INMT: variants seen among roughly 807,000 people sequenced by gnomAD.
INMT encodes indolethylamine N-methyltransferase.
INMT carries 11 observed loss-of-function variants against 11.5 expected under a neutral mutation model. The ratio of observed to expected loss-of-function variants is 0.95; its 90% CI spans 0.60 to 1.58. The LOEUF (loss-of-function observed/expected upper bound fraction) is 1.58. Ranked by LOEUF, INMT falls within the 40% of genes most tolerant of loss-of-function variation. INMT has a pLI of 0.00. For synonymous variants in INMT, 155 were observed against 142.9 expected, an observed-to-expected ratio of 1.08 and a Z score of -0.60; for missense variants, 316 against 336.1, an observed-to-expected ratio of 0.94 and a Z score of 0.47.
In INMT at chr7:30,756,118, T is replaced by C. The variant is rs1299139234; in HGVS notation, c.*267T>C. ...AGATGCGATCTGACTCCTGTGTGAC[T>C]GTGGAGCACCCAGGGACGTGGTTTT... On this transcript the variant is annotated 3_prime_UTR_variant, in exon 3 of 3. Transcript: ENST00000013222. The C allele has an allele frequency of 8.0e-7, 1 of 1,253,896 alleles. No individual in the cohort carries two copies. Among genetic ancestry groups the C allele is most frequent in the African/African-American group, 1.5e-5 (1 of 66,954 alleles). The allele number at this position is 1,253,896 out of a possible 1,614,324, so 77.7% of individuals were successfully genotyped here.
At chr7:30,753,511 G>A (rs1242904992) in intron 1 of INMT, among the ~76,000 whole-genome samples, 1 of 152,224 alleles carries the variant, frequency 6.6e-6, no homozygotes, top group Non-Finnish European at 1.5e-5. Flanking sequence ...AATGAAAATA[G>A]TGATAGCAGT....
rs147764304 is a variant in INMT at position 30,754,311 on chromosome 7, TCATCCATCCATC to T, written c.362+389_362+400del. ...TCCGTCCACCCACCGGTTCATCCAT[TCATCCATCCATC>T]CATCCATCCATCCATATTCATGCAT... is the stretch of plus-strand genomic sequence containing the variant. On this transcript the variant is annotated intron_variant, in intron 2 of 2. Transcript: ENST00000013222. This position sits in a 1 kb window ranked among gnomAD's most constrained non-coding sequence, Gnocchi z 4.9. Among the ~76,000 whole-genome samples, 1 of 151,368 alleles carries T rather than the reference TCATCCATCCATC, an allele frequency of 6.6e-6. No homozygotes were observed. The highest frequency in any genetic ancestry group is 6.6e-5 in the Admixed American group (1 of 15,192).
At position 30,757,448 on chromosome 7, in the gene INMT, G is replaced by A. The variant is rs1164462371; in HGVS notation, c.*1597G>A. 1 of 196,836 alleles carries A rather than the reference G, an allele frequency of 5.1e-6. No individual in the cohort carries two copies. The highest frequency in any genetic ancestry group is 1.0e-5 in the Non-Finnish European group (1 of 96,750). The allele number at this position is 196,836 out of a possible 1,614,324, so 12.2% of individuals were successfully genotyped here. The stretch of plus-strand genomic sequence containing the variant: ...TTGCTCACGCCCAGAGAGAGAAAAA[G>A]TTAAGCTGCTGACCCTGAAGGCAAG... On this transcript the variant is annotated 3_prime_UTR_variant, in exon 3 of 3. Transcript: ENST00000013222.
Position 30,755,943 on chromosome 7 carries a change from TC to T in INMT, c.*93del. 6.8e-7 allele frequency: 1 copy of T among 1,477,038 alleles called. No individual in the cohort carries two copies. Among genetic ancestry groups the T allele is most frequent in the South Asian group, 1.4e-5 (1 of 69,280 alleles). 91.5% of individuals were successfully genotyped at this position (1,477,038 alleles called of 1,614,324 possible). ...GTGAGGAATGGATACTGTCTAACAGTCTCTGATTTCAACACTAACATTCCAT... is the reference window on the plus strand; with the variant it reads ...GTGAGGAATGGATACTGTCTAACAGTTCTGATTTCAACACTAACATTCCAT... On this transcript the variant is annotated 3_prime_UTR_variant, in exon 3 of 3. Transcript: ENST00000013222.
rs901871584 is a variant in INMT, at chr7:30,754,889, T to A, written c.363-533T>A. Reference sequence around the variant, plus strand: ...CCTCGGGTAATCACTAATATGGATTTTATGCTTATCATTCCCTTTTTCAAA... The same window carrying A: ...CCTCGGGTAATCACTAATATGGATTATATGCTTATCATTCCCTTTTTCAAA... On this transcript the variant is annotated intron_variant, in intron 2 of 2. Coordinates refer to ENST00000013222, the MANE Select transcript of INMT (RefSeq NM_006774.5). This position sits in a 1 kb window ranked among gnomAD's most constrained non-coding sequence, Gnocchi z 4.9. Among the ~76,000 whole-genome samples the A allele has an allele frequency of 6.6e-6, 1 of 152,250 alleles. No homozygotes were observed. Among genetic ancestry groups the A allele is most frequent in the Non-Finnish European group, 1.5e-5 (1 of 68,038 alleles).
At chr7:30,753,060 C>T (rs1173739225) in intron 1 of INMT, among the ~76,000 whole-genome samples, 1 of 152,162 alleles carries the variant, frequency 6.6e-6, no homozygotes, top group Non-Finnish European at 1.5e-5. Context: ...CAGAGAACAG[C>T]CGGACTGGGT....
chr7:30,753,585 G>T (rs931222196), intron 1 of INMT, 146 bp from the exon 2 acceptor site: 4 of 720,574 alleles, frequency 5.6e-6, no homozygotes, highest in Admixed American at 4.4e-5. Context: ...TTGGCATGAG[G>T]CTTGGCTTAC....
chr7:30,757,508 C>T lies in INMT; in HGVS notation c.*1657C>T, dbSNP rs974652165. ...GCTGCACAGCTGTGTGTGGAAGCCA[C>T]GGGCTCAAGCAGCCAAGGCAGGGCG... On this transcript the variant is annotated 3_prime_UTR_variant, in exon 3 of 3. Transcript: ENST00000013222. 19 of 158,276 alleles carry T rather than the reference C, an allele frequency of 1.2e-4. No homozygotes were observed. The highest frequency in any genetic ancestry group is 4.6e-4 in the South Asian group (3 of 6,526). 9.8% of individuals were successfully genotyped at this position (158,276 alleles called of 1,614,324 possible).
Position 30,755,672 on chromosome 7 carries a change from A to G in INMT, c.613A>G (p.Met205Val), listed in dbSNP as rs2302339. 500,494 of 1,613,966 alleles carry G rather than the reference A, an allele frequency of 0.31. 80,153 individuals are homozygous for G. The highest frequency in any genetic ancestry group is 0.35 in the South Asian group (31,744 of 91,076). Residue 205 changes from methionine (M) to valine (V), a missense_variant, in exon 3 of 3, where the codon ATG (methionine) becomes GTG (valine). By Grantham distance (21) the Met-to-Val change is conservative. Transcript: ENST00000013222. ...TTVTLRLPSY[M>V]VGKREFSCVA... ...TGTCACGCTTCGGCTCCCGTCCTACATGGTGGGGAAGCGTGAATTTTCCTG... is the reference window on the plus strand; with the variant it reads ...TGTCACGCTTCGGCTCCCGTCCTACGTGGTGGGGAAGCGTGAATTTTCCTG...
At chr7:30,755,279 A>G in intron 2 of INMT, 143 bp from the exon 3 acceptor site, 1 of 687,460 alleles carries the variant, frequency 1.5e-6, no homozygotes, top group African/African-American at 1.8e-5. Flanking sequence ...ATTGAAGAAG[A>G]GCCTGCTGTC....
rs1316138908 is a variant in INMT, at chr7:30,755,419, C to T, written c.363-3C>T. On this transcript the variant is annotated splice_region_variant and splice_polypyrimidine_tract_variant and intron_variant, in intron 2 of 2. Coordinates refer to ENST00000013222, the MANE Select transcript of INMT (RefSeq NM_006774.5). ...CTCCCCGACTCCCTCTCTCTCTCTGCAGCGGCCGATGGGAGGAGAAGGAGG... is the reference window on the plus strand; with the variant it reads ...CTCCCCGACTCCCTCTCTCTCTCTGTAGCGGCCGATGGGAGGAGAAGGAGG... 1 of 1,583,372 alleles carries T rather than the reference C, an allele frequency of 6.3e-7. No homozygotes were observed. Among genetic ancestry groups the T allele is most frequent in the Non-Finnish European group, 8.5e-7 (1 of 1,172,086 alleles).
intron 1 of INMT, among the ~76,000 whole-genome samples, chr7:30,752,846 C>T (rs569385353): frequency 6.6e-6 from 1 of 152,308 alleles, no homozygotes; most frequent in East Asian, 1.9e-4. Flanking sequence ...TGGATGGTGA[C>T]TTCTGCCTGT....
In INMT at chr7:30,755,461, G is replaced by A. The variant is rs200475336; in HGVS notation, c.402G>A (p.Ala134=). 259 of 1,600,086 alleles carry A rather than the reference G, an allele frequency of 1.6e-4. No individual in the cohort carries two copies. The highest frequency in any genetic ancestry group is 1.7e-4 in the Middle Eastern group (1 of 6,056). Reference sequence around the variant, plus strand: ...AGAAGGAGGAGAAGCTGCGGGCAGCGGTGAAGCGGGTGCTCAAGTGCGATG... The same window carrying A: ...AGAAGGAGGAGAAGCTGCGGGCAGCAGTGAAGCGGGTGCTCAAGTGCGATG... ...WEEKEEKLRA[A]VKRVLKCDVH... Residue 134 remains alanine (A), a synonymous_variant, in exon 3 of 3, where the codon GCG becomes GCA. Coordinates refer to ENST00000013222, the MANE Select transcript of INMT (RefSeq NM_006774.5).
chr7:30,753,242 C>T (rs1264079109), intron 1 of INMT, among the ~76,000 whole-genome samples: 1 of 152,198 alleles, frequency 6.6e-6, no homozygotes, highest in Non-Finnish European at 1.5e-5. Context: ...TCACCCCTCC[C>T]TCCTCCAAGG....
Position 30,755,582 on chromosome 7 carries a change from G to A in INMT, c.523G>A (p.Ala175Thr), listed in dbSNP as rs1339959940. 9 of 1,613,882 alleles carry A rather than the reference G, an allele frequency of 5.6e-6. No individual in the cohort carries two copies. The highest frequency in any genetic ancestry group is 1.3e-5 in the African/African-American group (1 of 74,924). Reference protein sequence around the residue: ...AMECACCSLDAYRAALCNLAS... With the variant: ...AMECACCSLDTYRAALCNLAS... ...GGAGTGTGCCTGCTGTAGCCTTGAT[G>A]CCTACCGCGCTGCCCTGTGCAACCT... The change falls in exon 3 of 3, where the codon GCC (alanine) becomes ACC (threonine). Residue 175 changes from alanine (A) to threonine (T), a missense_variant. Physicochemically the swap from Ala to Thr is moderately conservative, Grantham distance 58 (BLOSUM62 0). Coordinates refer to ENST00000013222, the MANE Select transcript of INMT (RefSeq NM_006774.5).
chr7:30,754,881 T>C lies in INMT; in HGVS notation c.363-541T>C, dbSNP rs1786192736. Among the ~76,000 whole-genome samples the C allele has an allele frequency of 1.3e-5, 2 of 152,238 alleles. No individual in the cohort carries two copies. The highest frequency in any genetic ancestry group is 4.1e-4 in the South Asian group (2 of 4,834). On this transcript the variant is annotated intron_variant, in intron 2 of 2. Transcript: ENST00000013222. This position sits in a 1 kb window ranked among gnomAD's most constrained non-coding sequence, Gnocchi z 4.9. ...TTTCCCAACCTCGGGTAATCACTAA[T>C]ATGGATTTTATGCTTATCATTCCCT...
At chr7:30,752,489 CA>C (rs1370933685) in intron 1 of INMT, among the ~76,000 whole-genome samples, 185 bp downstream of exon 1, 16 of 152,116 alleles carry the variant, frequency 1.1e-4, no homozygotes, top group African/African-American at 3.9e-4. Context: ...TCTGTCTCCC[CA>C]TGGCTCAGGA....
intron 2 of INMT, among the ~76,000 whole-genome samples, 171 bp from the exon 3 acceptor site, chr7:30,755,251 G>A (rs540138909): frequency 6.6e-6 from 1 of 152,070 alleles, no homozygotes; most frequent in Non-Finnish European, 1.5e-5. Context: ...TTTTTCTTTG[G>A]GAGAAACTGA....
chr7:30,753,735 C>T lies in INMT; in HGVS notation c.159C>T (p.Gly53=), dbSNP rs1786150309. The change falls in exon 2 of 3, where the codon GGC becomes GGT. Residue 53 remains glycine (G), a synonymous_variant. Transcript: ENST00000013222. ...ECLHKTFGPG[G]LQGDTLIDIG... Reference sequence around the variant, plus strand: ...ACCAGTCTTTCCCTCCCACAGGAGGCCTCCAAGGGGACACGCTGATTGACA... The same window carrying T: ...ACCAGTCTTTCCCTCCCACAGGAGGTCTCCAAGGGGACACGCTGATTGACA... 1.2e-6 allele frequency: 2 copies of T among 1,614,038 alleles called. No homozygotes were observed. The highest frequency in any genetic ancestry group is 1.7e-6 in the Non-Finnish European group (2 of 1,179,886).
Sources: allele counts gnomAD v4.1 joint callset (sites outside exome capture counted in the v4.1 genomes callset), GRCh38; gene constraint gnomAD v4.1.1; non-coding constraint Gnocchi (gnomAD v3.1); transcripts MANE v1.5; gene names NCBI Gene and HGNC (gene_info 2026-07-23, HGNC 2026-07-21).